Variants in B3GALT1 observed in about 807,000 individuals in gnomAD.
The protein encoded by B3GALT1 is beta-1,3-galactosyltransferase 1.
Under a neutral mutation model 23.2 loss-of-function variants are expected in B3GALT1, and 10 were observed. That is an observed-to-expected ratio of 0.43 (90% CI 0.27 to 0.73). The LOEUF is 0.73. Ranked by LOEUF, B3GALT1 falls within the 30% of genes least tolerant of loss-of-function variation. The pLI is 0.21. For missense variants in B3GALT1, 299 were observed against 405.4 expected (o/e 0.74, Z 2.25); for synonymous variants, 156 against 141.5 (o/e 1.10, Z -0.73).
chr2:167,652,247 G>C (rs546577172), intron 3 of B3GALT1, among the ~76,000 whole-genome samples: 1 of 152,302 alleles, frequency 6.6e-6, no homozygotes, highest in East Asian at 1.9e-4. Flanking sequence ...TGGGAAAAGA[G>C]TGGTCCTAGC....
At chr2:167,656,918 T>C (rs1402391786) in intron 3 of B3GALT1, among the ~76,000 whole-genome samples, 1 of 151,964 alleles carries the variant, frequency 6.6e-6, no homozygotes, top group Admixed American at 6.6e-5. Context: ...CCTATATTTG[T>C]TATGCACAGT....
At chr2:167,758,608 T>C (rs927524069) in intron 3 of B3GALT1, among the ~76,000 whole-genome samples, 3 of 152,166 alleles carry the variant, frequency 2.0e-5, no homozygotes, top group Non-Finnish European at 2.9e-5. Flanking sequence ...CTCTGCTTTC[T>C]GCCTAACACT....
At chr2:167,734,341 C>G (rs1364452960) in intron 3 of B3GALT1, among the ~76,000 whole-genome samples, 1 of 152,114 alleles carries the variant, frequency 6.6e-6, no homozygotes, top group Non-Finnish European at 1.5e-5. Context: ...TCATTTCCCC[C>G]CAGTTTACAA....
At chr2:167,804,363 C>T (rs183614106) in intron 3 of B3GALT1, among the ~76,000 whole-genome samples, 86 of 151,134 alleles carry the variant, frequency 5.7e-4, no homozygotes, top group African/African-American at 2.0e-3. Flanking sequence ...TTTTAGGGTA[C>T]ATGTGCACAA....
At chr2:167,454,015 G>A (rs1351742943) in intron 1 of B3GALT1, among the ~76,000 whole-genome samples, 2 of 151,990 alleles carry the variant, frequency 1.3e-5, no homozygotes, top group East Asian at 3.8e-4. Context: ...ATCCACATCA[G>A]AGACATATTT....
chr2:167,392,714 A>C (rs1698033268), intron 1 of B3GALT1, among the ~76,000 whole-genome samples: 1 of 152,182 alleles, frequency 6.6e-6, no homozygotes, highest in Non-Finnish European at 1.5e-5. Context: ...TGGGGAAAAA[A>C]CCCATAAATT....
chr2:167,346,628 G>A (rs1182764329), intron 1 of B3GALT1, among the ~76,000 whole-genome samples: 1 of 152,144 alleles, frequency 6.6e-6, no homozygotes, highest in African/African-American at 2.4e-5. Context: ...AAATATTACA[G>A]TTATCGTAAG....
At chr2:167,716,225 C>CT (rs1558957849) in intron 3 of B3GALT1, among the ~76,000 whole-genome samples, 1 of 152,208 alleles carries the variant, frequency 6.6e-6, no homozygotes, top group Non-Finnish European at 1.5e-5. Flanking sequence ...ATGCGGGCAC[C>CT]CCCCACAGGC....
Position 167,510,294 on chromosome 2 carries a change from A to C in B3GALT1, c.-410+20017A>C, listed in dbSNP as rs192414429. Among the ~76,000 whole-genome samples the C allele has an allele frequency of 1.4e-4, 22 of 152,260 alleles. No individual in the cohort carries two copies. The East Asian group carries it at 4.0e-3, about 28-fold the overall frequency. ...GAAATATATGTGATACATTGCTTGC[A>C]CAGAATGAGTCATTTCAGTTATGAA... is the stretch of plus-strand genomic sequence containing the variant. On this transcript the variant is annotated intron_variant, in intron 2 of 4. Coordinates refer to ENST00000392690, the MANE Select transcript of B3GALT1 (RefSeq NM_020981.4).
chr2:167,298,165 G>A (rs1192252205), intron 1 of B3GALT1, among the ~76,000 whole-genome samples: 1 of 152,142 alleles, frequency 6.6e-6, no homozygotes, highest in African/African-American at 2.4e-5. Context: ...GAGCTAAGCA[G>A]AAATCAGGTA....
intron 1 of B3GALT1, among the ~76,000 whole-genome samples, chr2:167,357,663 A>G (rs1697437333): frequency 6.6e-6 from 1 of 152,180 alleles, no homozygotes; most frequent in Non-Finnish European, 1.5e-5. Flanking sequence ...TGGCAGGTTC[A>G]CTATTCATTT....
chr2:167,507,504 CAAAAAAAA>C (rs60408245), intron 2 of B3GALT1, among the ~76,000 whole-genome samples: 1,506 of 26,570 alleles, frequency 0.057, 26 homozygotes, highest in African/African-American at 0.12. Context: ...GACTCCGTCT[CAAAAAAAA>C]AAAAAAAAAA....
chr2:167,568,848 A>T (rs1173153565), intron 2 of B3GALT1, among the ~76,000 whole-genome samples: 1 of 151,374 alleles, frequency 6.6e-6, no homozygotes, highest in African/African-American at 2.4e-5. Context: ...ATTTTTGAGG[A>T]TTTTTATAGT....
chr2:167,746,445 G>T (rs1687653627), intron 3 of B3GALT1, among the ~76,000 whole-genome samples: 1 of 152,242 alleles, frequency 6.6e-6, no homozygotes, highest in African/African-American at 2.4e-5. Context: ...CTGTGACAGG[G>T]CATGCATGAC....
At chr2:167,750,770 G>T (rs572756026) in intron 3 of B3GALT1, among the ~76,000 whole-genome samples, 189 of 151,226 alleles carry the variant, frequency 1.2e-3, no homozygotes, top group Non-Finnish European at 2.0e-3. Context: ...CCCCTCGCAG[G>T]TAACACTCAG....
intron 1 of B3GALT1, among the ~76,000 whole-genome samples, chr2:167,304,492 A>C (rs1696515546): frequency 6.6e-6 from 1 of 152,156 alleles, no homozygotes; most frequent in South Asian, 2.1e-4. Flanking sequence ...AGCTAAATCC[A>C]GAGATCCCAG....
intron 3 of B3GALT1, among the ~76,000 whole-genome samples, chr2:167,776,602 A>G (rs1688166938): frequency 6.6e-6 from 1 of 152,214 alleles, no homozygotes; most frequent in South Asian, 2.1e-4. Context: ...GGACAGGCCG[A>G]GAACTCCACT....
At chr2:167,684,854 T>G (rs1426399499) in intron 3 of B3GALT1, among the ~76,000 whole-genome samples, 1 of 152,188 alleles carries the variant, frequency 6.6e-6, no homozygotes, top group Non-Finnish European at 1.5e-5. Flanking sequence ...TGTTGAAGGA[T>G]CAGCTAACAG....
At chr2:167,660,563 A>G (rs1484506261) in intron 3 of B3GALT1, among the ~76,000 whole-genome samples, 2 of 152,144 alleles carry the variant, frequency 1.3e-5, no homozygotes, top group Non-Finnish European at 2.9e-5. Flanking sequence ...TATTTCTAGA[A>G]TAACTCATGA....
Sources: allele counts gnomAD v4.1 joint callset (sites outside exome capture counted in the v4.1 genomes callset), GRCh38; gene constraint gnomAD v4.1.1; transcripts MANE v1.5; gene names NCBI Gene and HGNC (gene_info 2026-07-23, HGNC 2026-07-21).